Variants in MOV10L1 observed in about 807,000 individuals in gnomAD.
MOV10L1 encodes the protein Mov10 like RNA helicase 1.
MOV10L1 carries 110 observed loss-of-function variants against 143.8 expected under a neutral mutation model. The observed-to-expected ratio is 0.76, with a 90% CI of 0.66 to 0.90. The LOEUF (loss-of-function observed/expected upper bound fraction) is 0.90, where lower values mean the gene tolerates loss of function less well. MOV10L1 is among the 40% of genes least tolerant of loss of function. The pLI, the probability that MOV10L1 is intolerant of heterozygous loss-of-function variation, is 0.00. For missense variants in MOV10L1, 1,406 were observed against 1,526.8 expected, an observed-to-expected ratio of 0.92 and a Z score of 1.32; for synonymous variants, 593 against 581.1, an observed-to-expected ratio of 1.02 and a Z score of -0.29.
chr22:50,097,721 A>G (rs1461274326), intron 2 of MOV10L1, among the ~76,000 whole-genome samples: 1 of 152,154 alleles, frequency 6.6e-6, no homozygotes, highest in South Asian at 2.1e-4. Flanking sequence ...TTTCAAGACC[A>G]TTTTGCCTAT....
intron 10 of MOV10L1, among the ~76,000 whole-genome samples, chr22:50,125,097 G>C (rs1325521495): frequency 6.6e-6 from 1 of 152,186 alleles, no homozygotes; most frequent in South Asian, 2.1e-4. Flanking sequence ...AATTAACGTG[G>C]ACAACCTGAA....
At chr22:50,150,976 T>A (rs748266370) in intron 21 of MOV10L1, 77 bp downstream of exon 21, 77 of 1,563,960 alleles carry the variant, frequency 4.9e-5, no homozygotes, top group Non-Finnish European at 6.4e-5. Flanking sequence ...CAGCTCACTC[T>A]TCTGTCCACC....
chr22:50,139,399 A>G (rs2062918913), intron 15 of MOV10L1, among the ~76,000 whole-genome samples: 1 of 152,086 alleles, frequency 6.6e-6, no homozygotes, highest in Non-Finnish European at 1.5e-5. Context: ...GTGAAATTAA[A>G]TATTTTGCTG....
rs1602351861 is a variant in MOV10L1, at chr22:50,152,161, G to A, written c.2893-884G>A. The stretch of plus-strand genomic sequence containing the variant: ...TAACAGACAGCACTGCAGGAACACA[G>A]GTTTTCACCAACAGGGGCTTTGTTA... On this transcript the variant is annotated intron_variant, in intron 21 of 26. Coordinates refer to ENST00000262794, the MANE Select transcript of MOV10L1 (RefSeq NM_018995.3). This position sits in a 1 kb window ranked among gnomAD's most constrained non-coding sequence, Gnocchi z 4.4. Among the ~76,000 whole-genome samples the A allele has an allele frequency of 6.6e-6, 1 of 152,334 alleles. No individual in the cohort carries two copies. The highest frequency in any genetic ancestry group is 2.1e-4 in the South Asian group (1 of 4,824).
chr22:50,095,253 A>G (rs1218270107), intron 2 of MOV10L1: 3 of 152,154 alleles, frequency 2.0e-5, no homozygotes, highest in African/African-American at 4.8e-5. Flanking sequence ...TTCTGTTTCT[A>G]CCTTATCTGG....
chr22:50,150,718 G>C lies in MOV10L1; in HGVS notation c.2728-17G>C, dbSNP rs778317318. 1 of 1,611,620 alleles carries C rather than the reference G, an allele frequency of 6.2e-7. No individual in the cohort carries two copies. Among genetic ancestry groups the C allele is most frequent in the Admixed American group, 1.7e-5 (1 of 59,908 alleles). On this transcript the variant is annotated splice_polypyrimidine_tract_variant and intron_variant, in intron 20 of 26. Transcript: ENST00000262794. ...GCACCCTCCCTGCATGAGCTGAGACGGGCCCTCTGTGTGCAGATCGTGCTG... is the reference window on the plus strand; with the variant it reads ...GCACCCTCCCTGCATGAGCTGAGACCGGCCCTCTGTGTGCAGATCGTGCTG...
intron 4 of MOV10L1, 47 bp downstream of exon 4, chr22:50,108,295 C>A: frequency 6.5e-7 from 1 of 1,528,264 alleles, no homozygotes; most frequent in Non-Finnish European, 9.0e-7. Flanking sequence ...GGCAGACCTG[C>A]CATCAGGGGT....
chr22:50,159,706 A>G lies in MOV10L1; in HGVS notation c.3245A>G (p.Asn1082Ser), dbSNP rs771049192. The part of the protein sequence containing the change: ...QVEKIRILLR[N>S]VDLMDIKVGS... ...GAGAAAATCAGAATTCTTTTGCGTA[A>G]TGTTGATCTGATGGATATAAAGGTT... Residue 1082 changes from asparagine to serine, a missense_variant, in exon 24 of 27, where the codon AAT becomes AGT. Physicochemically the swap from Asn to Ser is conservative, Grantham distance 46. Coordinates refer to ENST00000262794, the MANE Select transcript of MOV10L1 (RefSeq NM_018995.3). The surrounding 1 kb of genome is among the most constrained non-coding windows in gnomAD (Gnocchi z 4.1). The G allele has an allele frequency of 1.2e-6, 2 of 1,612,942 alleles. No individual in the cohort carries two copies. The highest frequency in any genetic ancestry group is 1.7e-6 in the Non-Finnish European group (2 of 1,179,144).
intron 15 of MOV10L1, among the ~76,000 whole-genome samples, chr22:50,137,864 A>G (rs898708898): frequency 1.4e-5 from 2 of 146,852 alleles, no homozygotes; most frequent in Admixed American, 6.9e-5. Flanking sequence ...ACATATTTTT[A>G]TATATACACA....
chr22:50,155,418 G>A (rs537588694), intron 22 of MOV10L1, among the ~76,000 whole-genome samples: 29 of 151,896 alleles, frequency 1.9e-4, no homozygotes, highest in South Asian at 1.2e-3. Flanking sequence ...CTGCCACCAC[G>A]TCCAACTAAT....
chr22:50,113,818 A>T (rs2062087919), intron 6 of MOV10L1, 30 bp downstream of exon 6: 3 of 1,546,744 alleles, frequency 1.9e-6, no homozygotes, highest in South Asian at 2.5e-5. Flanking sequence ...ATTTTCTATA[A>T]AGCTACATTA....
At chr22:50,105,622 A>G (rs969522556) in intron 3 of MOV10L1, among the ~76,000 whole-genome samples, 5 of 152,248 alleles carry the variant, frequency 3.3e-5, no homozygotes, top group African/African-American at 1.2e-4. Flanking sequence ...TGTATTAAAT[A>G]AAGATTTTCT....
At chr22:50,116,079 G>A (rs2062165827) in intron 8 of MOV10L1, among the ~76,000 whole-genome samples, 1 of 152,226 alleles carries the variant, frequency 6.6e-6, no homozygotes, top group Admixed American at 6.5e-5. Context: ...CCAGCTGGGT[G>A]TCTAATTCTA....
chr22:50,144,297 G>A (rs2063074317), intron 18 of MOV10L1, 54 bp downstream of exon 18: 1 of 1,547,240 alleles, frequency 6.5e-7, no homozygotes, highest in South Asian at 1.2e-5. Context: ...CTGGAACATA[G>A]GAAATGCCAA....
At chr22:50,145,299 G>A (rs2063120694) in intron 18 of MOV10L1, among the ~76,000 whole-genome samples, 1 of 152,164 alleles carries the variant, frequency 6.6e-6, no homozygotes, top group South Asian at 2.1e-4. Flanking sequence ...GCATGCGCCT[G>A]TAATCCCAGC....
At chr22:50,141,261 C>T (rs1207544929) in intron 15 of MOV10L1, among the ~76,000 whole-genome samples, 1 of 152,078 alleles carries the variant, frequency 6.6e-6, no homozygotes, top group Non-Finnish European at 1.5e-5. Flanking sequence ...TGGTCTCGAT[C>T]TCTTGACCTT....
At position 50,108,780 on chromosome 22, in the gene MOV10L1, G is replaced by T. The variant is rs768301958; in HGVS notation, c.679G>T (p.Val227Leu). 1.2e-6 allele frequency: 2 copies of T among 1,614,088 alleles called. No individual in the cohort carries two copies. Among genetic ancestry groups the T allele is most frequent in the African/African-American group, 2.7e-5 (2 of 74,928 alleles). ...PRRGDVVNAV[V>L]VESSQSCYVW... ...GAGAGGTGACGTGGTCAATGCAGTG[G>T]TGGTGGAGAGCAGCCAGTCATGCTA... Residue 227 changes from valine to leucine, a missense_variant, in exon 5 of 27, where the codon GTG (valine) becomes TTG (leucine). Val to Leu is a conservative substitution (Grantham distance 32). This residue lies in a region of MOV10L1 where 1,233 missense variants were observed against 1,351.4 expected (regional missense o/e 0.91). Coordinates refer to ENST00000262794, the MANE Select transcript of MOV10L1 (RefSeq NM_018995.3).
chr22:50,159,906 G>A lies in MOV10L1; in HGVS notation c.3324+121G>A, dbSNP rs961369883. On this transcript the variant is annotated intron_variant, in intron 24 of 26. Transcript: ENST00000262794. The surrounding 1 kb of genome is among the most constrained non-coding windows in gnomAD (Gnocchi z 4.1). ...CCAGCCCAGAGAAGCAGCTGCAGGC[G>A]GAGACTCCCTAGGTCCAGGAGCCAT... 5.3e-5 allele frequency: 35 copies of A among 662,422 alleles called. No individual in the cohort carries two copies. The highest frequency in any genetic ancestry group is 6.0e-4 in the Middle Eastern group (2 of 3,308). 41.0% of individuals were successfully genotyped at this position (662,422 alleles called of 1,614,324 possible).
intron 3 of MOV10L1, among the ~76,000 whole-genome samples, chr22:50,102,057 C>T (rs1168610466): frequency 6.6e-6 from 1 of 152,118 alleles, no homozygotes; most frequent in African/African-American, 2.4e-5. Flanking sequence ...GAGAAGGTGT[C>T]CCCTGAGTAA....
Sources: allele counts gnomAD v4.1 joint callset (sites outside exome capture counted in the v4.1 genomes callset), GRCh38; gene constraint gnomAD v4.1.1; regional missense constraint gnomAD v4.1.1; non-coding constraint Gnocchi (gnomAD v3.1); transcripts MANE v1.5; gene names NCBI Gene and HGNC (gene_info 2026-07-23, HGNC 2026-07-21).